Variants in CLNK observed in about 807,000 individuals in gnomAD.
CLNK encodes the protein cytokine-dependent hematopoietic cell linker.
CLNK carries 74 observed loss-of-function variants against 68.6 expected under a neutral mutation model. That is an observed-to-expected ratio of 1.08 (90% CI 0.89 to 1.31). The LOEUF is 1.31. Ranked by LOEUF, CLNK falls within the 50% of genes most tolerant of loss-of-function variation. The probability of loss-of-function intolerance (pLI) is 0.00; values close to 1 mark genes in which losing one functional copy is unlikely to be tolerated. For synonymous variants in CLNK, 198 were observed against 172.2 expected, an observed-to-expected ratio of 1.15 and a Z score of -1.17; for missense variants, 553 against 515.3, an observed-to-expected ratio of 1.07 and a Z score of -0.71.
chr4:10,670,567 G>T (rs1312987620), intron 1 of CLNK, among the ~76,000 whole-genome samples: 1 of 152,242 alleles, frequency 6.6e-6, no homozygotes, highest in African/African-American at 2.4e-5. Flanking sequence ...CAATGAAGCT[G>T]CTTTCCAGCC....
chr4:10,687,551 G>T (rs979514370), upstream of CLNK, among the ~76,000 whole-genome samples: 6 of 152,042 alleles, frequency 3.9e-5, no homozygotes, highest in Non-Finnish European at 5.9e-5. Flanking sequence ...GAGAAGGGAA[G>T]GAGTAAAGGA....
chr4:10,584,232 C>A (rs2014303), intron 4 of CLNK, among the ~76,000 whole-genome samples: 33,909 of 152,068 alleles, frequency 0.22, 4,043 homozygotes, highest in African/African-American at 0.29. Flanking sequence ...TTTGTACTCC[C>A]ACATGCTCTA....
intron 14 of CLNK, among the ~76,000 whole-genome samples, chr4:10,521,089 A>T (rs922741484): frequency 2.4e-4 from 36 of 152,350 alleles, no homozygotes; most frequent in Admixed American, 1.7e-3. Context: ...GTGAGCACGT[A>T]TCATTATTCT....
intron 11 of CLNK, among the ~76,000 whole-genome samples, chr4:10,533,451 A>C (rs1051758694): frequency 6.6e-6 from 1 of 152,208 alleles, no homozygotes; most frequent in Non-Finnish European, 1.5e-5. Flanking sequence ...CACTGATCAC[A>C]GTTGAAGGCT....
rs1716434508 is a variant in CLNK, at chr4:10,488,358, G to T, written c.*2109C>A. On this transcript the variant is annotated 3_prime_UTR_variant, in exon 19 of 19. Transcript: ENST00000226951. ...TGGCATGGCCTCAATGAATCAGTGA[G>T]TTGGAGGTATCAGTAATCTCCCAAT... 1.3e-5 allele frequency: 2 copies of T among 152,242 alleles called. No homozygotes were observed. The highest frequency in any genetic ancestry group is 2.1e-4 in the South Asian group (1 of 4,826). 9.4% of individuals were successfully genotyped at this position (152,242 alleles called of 1,614,324 possible).
chr4:10,501,461 C>T (rs565540699), intron 17 of CLNK, 50 bp from the exon 18 acceptor site: 69 of 1,560,822 alleles, frequency 4.4e-5, no homozygotes, highest in Non-Finnish European at 7.8e-6. Context: ...CAGCATTCTG[C>T]CCTTGTAATG....
At chr4:10,690,526 A>C in the CLNK span, among the ~76,000 whole-genome samples, 1,486 of 152,314 alleles carry the variant, frequency 9.8e-3, 16 homozygotes, top group African/African-American at 0.032. Flanking sequence ...AAAAGATAGA[A>C]GTTTATCAAT....
intron 18 of CLNK, among the ~76,000 whole-genome samples, chr4:10,494,708 C>T (rs890623755): frequency 1.3e-5 from 2 of 152,236 alleles, no homozygotes; most frequent in Admixed American, 1.3e-4. Context: ...ATCCACCCGC[C>T]TTGGCCTCCT....
chr4:10,539,997 G>T (rs530495524), intron 11 of CLNK, among the ~76,000 whole-genome samples: 1 of 152,168 alleles, frequency 6.6e-6, no homozygotes, highest in South Asian at 2.1e-4. Context: ...TCAAAACACA[G>T]GTTTCTAGAA....
chr4:10,730,702 C>T, the CLNK span, among the ~76,000 whole-genome samples: 578 of 152,304 alleles, frequency 3.8e-3, 2 homozygotes, highest in Non-Finnish European at 5.1e-3. Context: ...GTACTGGAAA[C>T]TCCAGAACTA....
At position 10,638,724 on chromosome 4, in the gene CLNK, T is replaced by C. The variant is rs569485249; in HGVS notation, c.11+29135A>G. On this transcript the variant is annotated intron_variant, in intron 2 of 18. Coordinates refer to ENST00000226951, the MANE Select transcript of CLNK (RefSeq NM_052964.4). ...TCAAATAAACACTGTATTAGTTTGC[T>C]TGGGCTTGCCATAGGAGAGAACCAC... Among the ~76,000 whole-genome samples, 39 of 152,314 alleles carry C rather than the reference T, an allele frequency of 2.6e-4. 1 individual carries two copies. In the South Asian group the frequency reaches 6.2e-3, roughly 24 times the overall value.
rs762033179 is a variant in CLNK, at chr4:10,490,534, C to G, written c.1220G>C (p.Gly407Ala). Residue 407 changes from glycine to alanine, a missense_variant, in exon 19 of 19, where the codon GGG (glycine) becomes GCG (alanine). Gly to Ala is a moderately conservative substitution (Grantham distance 60, BLOSUM62 0). Transcript: ENST00000226951. ...GAGGTGACACTGTTTCCTGTGGACCCCAGTTTTATCTTTCCCATCAATTAG... is the reference window on the plus strand; with the variant it reads ...GAGGTGACACTGTTTCCTGTGGACCGCAGTTTTATCTTTCCCATCAATTAG... ...IILIDGKDKT[G>A]VHRKQCHLTQ... is the part of the protein sequence containing the mutation. 5.0e-6 allele frequency: 8 copies of G among 1,609,610 alleles called. No individual in the cohort carries two copies. Among genetic ancestry groups the G allele is most frequent in the Non-Finnish European group, 5.9e-6 (7 of 1,178,022 alleles).
At chr4:10,558,932 C>T (rs1301126914) in intron 7 of CLNK, among the ~76,000 whole-genome samples, 1 of 152,084 alleles carries the variant, frequency 6.6e-6, no homozygotes, top group Non-Finnish European at 1.5e-5. Flanking sequence ...AATTACTTAG[C>T]CTCAGTTTCC....
At chr4:10,564,552 T>G in intron 7 of CLNK, 119 bp downstream of exon 7, 1 of 704,940 alleles carries the variant, frequency 1.4e-6, no homozygotes, top group South Asian at 1.7e-5. Flanking sequence ...TCCACCTCAG[T>G]GAGCTTGACC....
Position 10,501,306 on chromosome 4 carries a change from G to A in CLNK, c.1090C>T (p.Leu364=). 1 of 1,607,190 alleles carries A rather than the reference G, an allele frequency of 6.2e-7. No homozygotes were observed. Among genetic ancestry groups the A allele is most frequent in the South Asian group, 1.1e-5 (1 of 89,646 alleles). ...AGGGCAAACTGCTGATTCCTCTCCA[G>A]GAAGCGTATTTTTACATTGTAGACT... ...NKVYNVKIRF[L]ERNQQFALGT... The change falls in exon 18 of 19, where the codon CTG becomes TTG. Residue 364 remains leucine, a synonymous_variant. Coordinates refer to ENST00000226951, the MANE Select transcript of CLNK (RefSeq NM_052964.4).
At chr4:10,595,069 G>T (rs1033518497) in intron 3 of CLNK, among the ~76,000 whole-genome samples, 1 of 151,968 alleles carries the variant, frequency 6.6e-6, no homozygotes, top group African/African-American at 2.4e-5. Flanking sequence ...CAACAAGAGT[G>T]AAACCCCGTC....
intron 17 of CLNK, among the ~76,000 whole-genome samples, chr4:10,502,372 C>A (rs990203875): frequency 6.6e-6 from 1 of 152,030 alleles, no homozygotes; most frequent in Non-Finnish European, 1.5e-5. Context: ...AGAACTCACT[C>A]ACTAGAACAG....
chr4:10,527,117 G>C (rs1718352364), intron 13 of CLNK, among the ~76,000 whole-genome samples: 1 of 152,192 alleles, frequency 6.6e-6, no homozygotes, highest in Non-Finnish European at 1.5e-5. Context: ...GCGACCCAGA[G>C]TATCTGCCCC....
chr4:10,696,128 T>C, the CLNK span, among the ~76,000 whole-genome samples: 1 of 152,136 alleles, frequency 6.6e-6, no homozygotes, highest in Non-Finnish European at 1.5e-5. Flanking sequence ...AGTGCTGGGA[T>C]TATAGGCTTG....
Sources: gnomAD v4.1 joint callset for allele counts (sites outside exome capture counted in the v4.1 genomes callset) on GRCh38, gnomAD v4.1.1 for gene constraint, MANE v1.5 for transcripts, NCBI Gene and HGNC (gene_info 2026-07-23, HGNC 2026-07-21) for gene names.